ANO6: variants seen among roughly 807,000 people sequenced by gnomAD.
The protein encoded by ANO6 is anoctamin 6.
A neutral mutation model predicts 117.5 loss-of-function variants in ANO6; 106 were observed. That is an observed-to-expected ratio of 0.90 (90% CI 0.77 to 1.06). The LOEUF (loss-of-function observed/expected upper bound fraction) is 1.06. Ranked by LOEUF, ANO6 falls within the 50% of genes least tolerant of loss-of-function variation. The pLI is 0.00. For missense variants in ANO6, 955 were observed against 1,121.1 expected, an observed-to-expected ratio of 0.85 and a Z score of 2.12; for synonymous variants, 367 against 385.1, an observed-to-expected ratio of 0.95 and a Z score of 0.55.
chr12:45,305,350 T>G (rs1345210182), intron 2 of ANO6, among the ~76,000 whole-genome samples: 2 of 152,214 alleles, frequency 1.3e-5, no homozygotes, highest in African/African-American at 4.8e-5. Context: ...GAAATCTGTT[T>G]TATAACTCGT....
intron 2 of ANO6, among the ~76,000 whole-genome samples, chr12:45,327,935 C>T (rs1446015730): frequency 6.6e-6 from 1 of 152,098 alleles, no homozygotes; most frequent in African/African-American, 2.4e-5. Context: ...CACTAATCTT[C>T]AGAAGCTGAT....
At position 45,432,207 on chromosome 12, in the gene ANO6, T is replaced by G; in HGVS notation, c.*2896T>G. The G allele has an allele frequency of 1.0e-6, 1 of 984,004 alleles. No individual in the cohort carries two copies. Among genetic ancestry groups the G allele is most frequent in the South Asian group, 4.7e-5 (1 of 21,180 alleles). The allele number at this position is 984,004 out of a possible 1,614,324, so 61.0% of individuals were successfully genotyped here. A position where few individuals can be genotyped will look rare whatever the true frequency, so the allele number is the denominator to read the frequency against. ...ACTATTCATGATGCTTTTCACACAT[T>G]GTGGCATAAGATGTAAAGTTTGTAA... On this transcript the variant is annotated 3_prime_UTR_variant, in exon 20 of 20. Coordinates refer to ENST00000320560, the MANE Select transcript of ANO6 (RefSeq NM_001025356.3).
intron 12 of ANO6, among the ~76,000 whole-genome samples, chr12:45,391,706 A>C (rs1329144413): frequency 1.3e-5 from 2 of 152,178 alleles, no homozygotes; most frequent in Non-Finnish European, 2.9e-5. Context: ...GTCTTTACTA[A>C]AAATACAAAA....
intron 1 of ANO6, among the ~76,000 whole-genome samples, chr12:45,220,849 A>T (rs1038206027): frequency 3.3e-5 from 5 of 152,206 alleles, no homozygotes; most frequent in African/African-American, 1.2e-4. Flanking sequence ...GAGGGGTAAG[A>T]GCCAGGCTGA....
intron 8 of ANO6, among the ~76,000 whole-genome samples, chr12:45,362,006 T>C (rs1211109690): frequency 1.3e-5 from 2 of 152,140 alleles, no homozygotes; most frequent in Non-Finnish European, 2.9e-5. Flanking sequence ...TCGCATAGAA[T>C]GAGTTGAGAA....
At chr12:45,285,342 G>A (rs1258241942) in intron 1 of ANO6, among the ~76,000 whole-genome samples, 2 of 152,208 alleles carry the variant, frequency 1.3e-5, no homozygotes, top group East Asian at 1.9e-4. Flanking sequence ...AACTATCAAA[G>A]TATAATGAAA....
At chr12:45,286,207 C>T (rs1565665096) in intron 1 of ANO6, among the ~76,000 whole-genome samples, 1 of 152,142 alleles carries the variant, frequency 6.6e-6, no homozygotes, top group African/African-American at 2.4e-5. Context: ...CTCGTGTTGC[C>T]TAGGCTGGAC....
rs373941438 is a variant in ANO6 at position 45,430,662 on chromosome 12, G to A, written c.*1351G>A. The A allele has an allele frequency of 2.0e-6, 2 of 985,268 alleles. No homozygotes were observed. The highest frequency in any genetic ancestry group is 3.5e-5 in the African/African-American group (2 of 57,202). 61.0% of individuals were successfully genotyped at this position (985,268 alleles called of 1,614,324 possible). ...AAGAGTAATAAAGGAAAAGGGTTTG[G>A]TCACAAACCCTACCATTATCTGGAG... On this transcript the variant is annotated 3_prime_UTR_variant, in exon 20 of 20. Transcript: ENST00000320560.
Position 45,350,732 on chromosome 12 carries a change from A to G in ANO6, c.821A>G (p.His274Arg). The part of the protein sequence containing the change: ...ERYLLYREWA[H>R]PRSIYKKQPL... ...TACCTTCTGTACAGAGAATGGGCTC[A>G]TCCTCGAAGCATATACAAAAAGCAG... is the stretch of plus-strand genomic sequence containing the variant. The change falls in exon 7 of 20, where the codon CAT becomes CGT. Residue 274 changes from histidine (H) to arginine (R), a missense_variant. Coordinates refer to ENST00000320560, the MANE Select transcript of ANO6 (RefSeq NM_001025356.3). 2 of 1,613,832 alleles carry G rather than the reference A, an allele frequency of 1.2e-6. No homozygotes were observed. The highest frequency in any genetic ancestry group is 1.7e-5 in the Admixed American group (1 of 60,002).
intron 17 of ANO6, among the ~76,000 whole-genome samples, chr12:45,417,919 T>C (rs1943255483): frequency 6.6e-6 from 1 of 152,204 alleles, no homozygotes; most frequent in Non-Finnish European, 1.5e-5. Flanking sequence ...AGCTCTGAGC[T>C]GCATGATCTT....
intron 11 of ANO6, 148 bp downstream of exon 11, chr12:45,388,451 G>A: frequency 9.5e-7 from 1 of 1,051,026 alleles, no homozygotes; most frequent in Non-Finnish European, 1.4e-6. Flanking sequence ...GTAACCTGGG[G>A]GTATTCTGAG....
intron 16 of ANO6, 120 bp from the exon 17 acceptor site, chr12:45,416,579 C>A: frequency 1.2e-6 from 1 of 850,714 alleles, no homozygotes; most frequent in Non-Finnish European, 1.9e-6. Context: ...TTATTATTTA[C>A]CACAGATGTG....
chr12:45,316,466 G>T (rs1940030181), intron 2 of ANO6, among the ~76,000 whole-genome samples: 1 of 152,034 alleles, frequency 6.6e-6, no homozygotes, highest in South Asian at 2.1e-4. Flanking sequence ...CATGTGCAAA[G>T]ATAGGAGGGA....
chr12:45,225,569 A>C (rs188182062), intron 1 of ANO6, among the ~76,000 whole-genome samples: 2 of 151,894 alleles, frequency 1.3e-5, no homozygotes, highest in Non-Finnish European at 2.9e-5. Flanking sequence ...GCTCACTGCA[A>C]GCTCCACCTC....
chr12:45,326,320 A>C (rs1273760907), intron 2 of ANO6, among the ~76,000 whole-genome samples: 2 of 152,228 alleles, frequency 1.3e-5, no homozygotes, highest in African/African-American at 4.8e-5. Context: ...GACTAGTTAT[A>C]GCCATTTACT....
chr12:45,318,161 C>A (rs1179120488), intron 2 of ANO6, among the ~76,000 whole-genome samples: 2 of 152,158 alleles, frequency 1.3e-5, no homozygotes, highest in Non-Finnish European at 2.9e-5. Flanking sequence ...GCTTTTGCTG[C>A]CATTGCTTTT....
At chr12:45,240,542 C>G (rs1947725942) in intron 1 of ANO6, among the ~76,000 whole-genome samples, 1 of 151,660 alleles carries the variant, frequency 6.6e-6, no homozygotes, top group Non-Finnish European at 1.5e-5. Flanking sequence ...GGCATTTAAC[C>G]TATTTACATT....
chr12:45,248,777 G>A (rs771075342), intron 1 of ANO6, among the ~76,000 whole-genome samples: 8 of 152,154 alleles, frequency 5.3e-5, no homozygotes, highest in Non-Finnish European at 1.2e-4. Context: ...TGACCTGAAG[G>A]AATATGGAGG....
chr12:45,358,510 A>G (rs891218004), intron 8 of ANO6, among the ~76,000 whole-genome samples: 1 of 152,084 alleles, frequency 6.6e-6, no homozygotes, highest in Non-Finnish European at 1.5e-5. Flanking sequence ...TTCAAAGTGC[A>G]GAAGTTGCAT....
Sources: allele counts gnomAD v4.1 joint callset (sites outside exome capture counted in the v4.1 genomes callset), GRCh38; gene constraint gnomAD v4.1.1; transcripts MANE v1.5; gene names NCBI Gene and HGNC (gene_info 2026-07-23, HGNC 2026-07-21).